Variants in CCDC171 observed in about 807,000 individuals in gnomAD.
The protein encoded by CCDC171 is coiled-coil domain-containing protein 171.
CCDC171 carries 177 observed loss-of-function variants against 168.2 expected under a neutral mutation model. That is an observed-to-expected ratio of 1.05 (90% confidence interval 0.93 to 1.19). The LOEUF (loss-of-function observed/expected upper bound fraction) is 1.19, where lower values mean the gene tolerates loss of function less well. CCDC171 is among the 50% of genes most tolerant of loss of function. The pLI, the probability that CCDC171 is intolerant of heterozygous loss-of-function variation, is 0.00. For missense variants in CCDC171, 1,991 were observed against 1,539.0 expected, an observed-to-expected ratio of 1.29 and a Z score of -4.91; for synonymous variants, 687 against 540.8, an observed-to-expected ratio of 1.27 and a Z score of -3.75.
intron 18 of CCDC171, among the ~76,000 whole-genome samples, chr9:15,747,671 G>A (rs1214895289): frequency 1.3e-5 from 2 of 152,176 alleles, no homozygotes; most frequent in South Asian, 2.1e-4. Flanking sequence ...CTGTTAGAAG[G>A]AAAACTAACA....
intron 7 of CCDC171, among the ~76,000 whole-genome samples, chr9:15,626,647 C>A (rs1433202553): frequency 6.6e-6 from 1 of 152,200 alleles, no homozygotes; most frequent in East Asian, 1.9e-4. Context: ...ACCAGCTTTG[C>A]ATCCCAGGGA....
intron 8 of CCDC171, among the ~76,000 whole-genome samples, chr9:15,662,127 G>A (rs1380069429): frequency 6.6e-6 from 1 of 152,046 alleles, no homozygotes; most frequent in African/African-American, 2.4e-5. Flanking sequence ...AAATACAAAA[G>A]TTACCTGGGT....
intron 21 of CCDC171, among the ~76,000 whole-genome samples, chr9:15,804,359 G>T (rs901392456): frequency 1.3e-5 from 2 of 151,966 alleles, no homozygotes; most frequent in African/African-American, 4.8e-5. Flanking sequence ...TATGATATTG[G>T]CTGTGTTTTT....
At chr9:15,710,783 G>A (rs555777006) in intron 11 of CCDC171, among the ~76,000 whole-genome samples, 1 of 151,860 alleles carries the variant, frequency 6.6e-6, no homozygotes, top group African/African-American at 2.4e-5. Flanking sequence ...ATTTAGTAGA[G>A]ATGGGGTTTT....
Position 15,874,652 on chromosome 9 carries a change from G to A in CCDC171, c.3589G>A (p.Val1197Ile), listed in dbSNP as rs577974558. ...MEGLKGGPEVVACQAMIKSFM... is the reference protein window; with the variant it reads ...MEGLKGGPEVIACQAMIKSFM... ...GGGGCTCAAGGGCGGGCCAGAGGTG[G>A]TAGCATGCCAGGTTAGAGTCTAAAT... The change falls in exon 24 of 26, where the codon GTA becomes ATA. Residue 1197 changes from valine (V) to isoleucine (I), a missense_variant. Transcript: ENST00000380701. The A allele has an allele frequency of 3.8e-6, 6 of 1,579,516 alleles. No homozygotes were observed. In the African/African-American group the frequency reaches 4.1e-5, roughly 11 times the overall value.
chr9:15,800,850 C>T (rs1472571515), intron 21 of CCDC171, among the ~76,000 whole-genome samples: 3 of 152,120 alleles, frequency 2.0e-5, no homozygotes, highest in African/African-American at 7.2e-5. Flanking sequence ...ATTTTCCCTA[C>T]ACTATTTATT....
At chr9:15,686,602 C>G (rs1433225003) in intron 10 of CCDC171, among the ~76,000 whole-genome samples, 1 of 151,842 alleles carries the variant, frequency 6.6e-6, no homozygotes, top group African/African-American at 2.4e-5. Flanking sequence ...TAAAAAAAAA[C>G]TGGAGTGGAT....
At chr9:15,911,323 T>A (rs1343550948) in intron 24 of CCDC171, among the ~76,000 whole-genome samples, 1 of 152,230 alleles carries the variant, frequency 6.6e-6, no homozygotes, top group East Asian at 1.9e-4. Context: ...TTCATATGTT[T>A]GTTGGCCATA....
At chr9:15,745,493 A>G (rs375281120) in intron 17 of CCDC171, 22 bp from the exon 18 acceptor site, 46 of 1,420,736 alleles carry the variant, frequency 3.2e-5, no homozygotes, top group Admixed American at 9.6e-5. Context: ...GAATTTTACA[A>G]TGGATTTTTT....
chr9:15,992,123 C>CA (rs962138945), intron 3 of CCDC171, among the ~76,000 whole-genome samples: 134 of 151,674 alleles, frequency 8.8e-4, no homozygotes, highest in Non-Finnish European at 1.2e-3. Context: ...AGAGACACAA[C>CA]AAAAAAAAGA....
chr9:15,917,052 G>T (rs74644090), intron 24 of CCDC171, among the ~76,000 whole-genome samples: 3 of 151,982 alleles, frequency 2.0e-5, no homozygotes, highest in African/African-American at 7.2e-5. Context: ...AGGATATGTC[G>T]TAGAGGGTTA....
the CCDC171 span, among the ~76,000 whole-genome samples, chr9:16,074,779 A>G: frequency 6.6e-6 from 1 of 152,338 alleles, no homozygotes; most frequent in South Asian, 2.1e-4. Context: ...AATAAACTCA[A>G]AATTACTGCA....
chr9:15,965,408 T>A (rs1436642931), intron 25 of CCDC171, among the ~76,000 whole-genome samples: 1 of 152,176 alleles, frequency 6.6e-6, no homozygotes, highest in African/African-American at 2.4e-5. Context: ...GGTAAGGTAA[T>A]GGTCAAGCGT....
At chr9:15,638,760 A>G (rs1476156878) in intron 7 of CCDC171, among the ~76,000 whole-genome samples, 1 of 151,566 alleles carries the variant, frequency 6.6e-6, no homozygotes, top group Admixed American at 6.6e-5. Flanking sequence ...GCTTTCTTAG[A>G]TTAAAAAAAA....
chr9:16,067,892 A>C, the CCDC171 span, among the ~76,000 whole-genome samples: 12 of 152,274 alleles, frequency 7.9e-5, no homozygotes, highest in African/African-American at 2.6e-4. Context: ...GAAGTCAGGT[A>C]GTGTGATGCC....
chr9:15,571,023 TCTA>T (rs753674762), intron 2 of CCDC171, among the ~76,000 whole-genome samples: 22 of 152,166 alleles, frequency 1.4e-4, no homozygotes, highest in Non-Finnish European at 2.6e-4. Flanking sequence ...TGTTTTCTGC[TCTA>T]CTTTTACCTC....
At chr9:15,581,731 C>G (rs1028901550) in intron 4 of CCDC171, among the ~76,000 whole-genome samples, 2 of 151,976 alleles carry the variant, frequency 1.3e-5, no homozygotes, top group East Asian at 3.9e-4. Flanking sequence ...TAGCCATATG[C>G]AGAAAGCTGA....
At chr9:16,061,044 C>T (rs1038651355) in exon 2 of CCDC171, 1 of 152,186 alleles carries the variant, frequency 6.6e-6, no homozygotes, top group Non-Finnish European at 1.5e-5. Context: ...ACGCTCTTAT[C>T]ACCAAATGTA....
Position 15,564,282 on chromosome 9 carries a change from C to T in CCDC171, c.41+153C>T, listed in dbSNP as rs574378233. 2.6e-5 allele frequency among the ~76,000 whole-genome samples: 4 copies of T among 152,282 alleles called. No individual in the cohort carries two copies. The East Asian group carries it at 7.7e-4, about 29-fold the overall frequency. ...GACTGAAGGAGCATGAATGAAGCCT[C>T]ATAAGAATTGGAACTGATTCTAGAG... On this transcript the variant is annotated intron_variant, in intron 2 of 25. Transcript: ENST00000380701.
Sources: allele counts gnomAD v4.1 joint callset (sites outside exome capture counted in the v4.1 genomes callset), GRCh38; gene constraint gnomAD v4.1.1; transcripts MANE v1.5; gene names NCBI Gene and HGNC (gene_info 2026-07-23, HGNC 2026-07-21).